The following CACHD1 variants were observed in gnomAD, a reference collection of about 807,000 sequenced individuals.
The protein encoded by CACHD1 is cache domain containing 1.
A neutral mutation model predicts 138.7 loss-of-function variants in CACHD1; 71 were observed. The ratio of observed to expected loss-of-function variants is 0.51; its 90% confidence interval spans 0.42 to 0.62. The LOEUF is 0.62. Ranked by LOEUF, CACHD1 falls within the 20% of genes least tolerant of loss-of-function variation. CACHD1 has a pLI of 0.00. For missense variants in CACHD1, 1,389 were observed against 1,625.3 expected, an observed-to-expected ratio of 0.85 and a Z score of 2.50; for synonymous variants, 578 against 591.5, an observed-to-expected ratio of 0.98 and a Z score of 0.33.
intron 12 of CACHD1, among the ~76,000 whole-genome samples, chr1:64,656,423 A>C (rs1471696500): frequency 6.6e-6 from 1 of 152,244 alleles, no homozygotes; most frequent in Non-Finnish European, 1.5e-5. Flanking sequence ...TGAGCCGGCC[A>C]CCAAAATTCT....
chr1:64,576,894 GGTTT>G (rs201553712), intron 2 of CACHD1, among the ~76,000 whole-genome samples: 5,859 of 146,730 alleles, frequency 0.04, 176 homozygotes, highest in East Asian at 0.093. Context: ...GGTTTTGGTG[GGTTT>G]GTTTGTTTGT....
intron 12 of CACHD1, 82 bp downstream of exon 12, chr1:64,654,885 T>A: frequency 2.0e-6 from 2 of 1,016,932 alleles, no homozygotes; most frequent in Admixed American, 1.8e-5. Context: ...AGCCAGGGGG[T>A]GGCACTTGGG....
chr1:64,621,804 C>T (rs1234510571), intron 4 of CACHD1, among the ~76,000 whole-genome samples: 1 of 152,080 alleles, frequency 6.6e-6, no homozygotes, highest in Non-Finnish European at 1.5e-5. Flanking sequence ...TAGGAAGGAG[C>T]CAGGTCATGC....
At chr1:64,668,675 C>T (rs759653277) in intron 16 of CACHD1, among the ~76,000 whole-genome samples, 4 of 152,132 alleles carry the variant, frequency 2.6e-5, no homozygotes, top group Non-Finnish European at 5.9e-5. Flanking sequence ...GTGTATATTC[C>T]CCAGAATAAG....
intron 17 of CACHD1, among the ~76,000 whole-genome samples, chr1:64,672,831 C>A (rs1025408955): frequency 2.0e-5 from 3 of 152,112 alleles, no homozygotes; most frequent in African/African-American, 7.2e-5. Flanking sequence ...AAAAAAAGAA[C>A]AAACTTCCCA....
intron 1 of CACHD1, among the ~76,000 whole-genome samples, chr1:64,496,866 A>G (rs1646309212): frequency 6.7e-6 from 1 of 149,376 alleles, no homozygotes. Context: ...GTTGTCTCAA[A>G]AAAAAAAAAA....
intron 4 of CACHD1, among the ~76,000 whole-genome samples, chr1:64,604,972 T>G (rs568275314): frequency 2.8e-4 from 36 of 129,158 alleles, no homozygotes; most frequent in African/African-American, 7.4e-4. Flanking sequence ...TTTTTCTTTG[T>G]TTTTTTTTTT....
chr1:64,529,200 T>C (rs906560090), intron 1 of CACHD1, among the ~76,000 whole-genome samples: 1 of 152,164 alleles, frequency 6.6e-6, no homozygotes, highest in Non-Finnish European at 1.5e-5. Context: ...TGTACCCTGT[T>C]TGAAAAAAGA....
chr1:64,548,950 A>T (rs1646738235), intron 1 of CACHD1, among the ~76,000 whole-genome samples: 1 of 152,338 alleles, frequency 6.6e-6, no homozygotes, highest in Non-Finnish European at 1.5e-5. Flanking sequence ...CTTATAAGAC[A>T]ATAGAGTTAG....
At chr1:64,648,372 C>T (rs924984735) in intron 9 of CACHD1, among the ~76,000 whole-genome samples, 1 of 152,198 alleles carries the variant, frequency 6.6e-6, no homozygotes, top group Admixed American at 6.5e-5. Flanking sequence ...GTGGCATCAT[C>T]GCACAAACAT....
At chr1:64,634,405 G>T in intron 7 of CACHD1, 145 bp downstream of exon 7, 1 of 255,828 alleles carries the variant, frequency 3.9e-6, no homozygotes, top group Non-Finnish European at 6.8e-6. Flanking sequence ...TATTTACCTT[G>T]AGACAGAGTC....
At chr1:64,489,978 T>C (rs1379917370) in intron 1 of CACHD1, among the ~76,000 whole-genome samples, 2 of 152,192 alleles carry the variant, frequency 1.3e-5, no homozygotes, top group Non-Finnish European at 2.9e-5. Context: ...AACTTATACA[T>C]ACCCCAGTGG....
At chr1:64,487,412 A>AAT (rs1413696783) in intron 1 of CACHD1, among the ~76,000 whole-genome samples, 14 of 152,188 alleles carry the variant, frequency 9.2e-5, no homozygotes, top group African/African-American at 3.4e-4. Context: ...GGATTACATT[A>AAT]GTTTATGCCA....
At chr1:64,631,850 T>C (rs1219428598) in intron 5 of CACHD1, among the ~76,000 whole-genome samples, 2 of 152,200 alleles carry the variant, frequency 1.3e-5, no homozygotes, top group Non-Finnish European at 2.9e-5. Context: ...TGGCACAGTT[T>C]TAAATGCTCA....
intron 2 of CACHD1, 112 bp downstream of exon 2, chr1:64,550,768 A>T: frequency 1.5e-6 from 1 of 689,456 alleles, no homozygotes; most frequent in South Asian, 1.9e-5. Flanking sequence ...TTCTCTCTGT[A>T]TAATTTCACG....
chr1:64,675,663 G>C, intron 20 of CACHD1, 102 bp downstream of exon 20: 2 of 1,373,876 alleles, frequency 1.5e-6, no homozygotes, highest in Non-Finnish European at 2.0e-6. Flanking sequence ...GTGCTGGTGT[G>C]TGTCCTGAAG....
At position 64,584,610 on chromosome 1, in the gene CACHD1, T is replaced by C. The variant is rs1003189064; in HGVS notation, c.410+2306T>C. Among the ~76,000 whole-genome samples, 7 of 152,328 alleles carry C rather than the reference T, an allele frequency of 4.6e-5. No individual in the cohort carries two copies. In the East Asian group the frequency reaches 1.2e-3, roughly 25 times the overall value. ...TATTGCTCTCTCATCTTTATTCCCATAGTAATTTCCATACATCTCTATATA... is the reference window on the plus strand; with the variant it reads ...TATTGCTCTCTCATCTTTATTCCCACAGTAATTTCCATACATCTCTATATA... On this transcript the variant is annotated intron_variant, in intron 3 of 26. Transcript: ENST00000651257.
At chr1:64,552,754 C>T (rs568503932) in intron 2 of CACHD1, among the ~76,000 whole-genome samples, 2 of 152,352 alleles carry the variant, frequency 1.3e-5, no homozygotes, top group African/African-American at 4.8e-5. Flanking sequence ...GCTGGGATTA[C>T]AGGCATGGGC....
At chr1:64,635,607 C>T (rs1461158151) in intron 7 of CACHD1, among the ~76,000 whole-genome samples, 6 of 151,010 alleles carry the variant, frequency 4.0e-5, no homozygotes, top group Admixed American at 2.6e-4. Context: ...TGATCTTGAA[C>T]TCCTGACCTT....
Sources: gnomAD v4.1 joint callset for allele counts (sites outside exome capture counted in the v4.1 genomes callset) on GRCh38, gnomAD v4.1.1 for gene constraint, MANE v1.5 for transcripts, NCBI Gene and HGNC (gene_info 2026-07-23, HGNC 2026-07-21) for gene names.